The following SUMF1 variants were observed in gnomAD, a reference collection of about 807,000 sequenced individuals.
The protein encoded by SUMF1 is formylglycine-generating enzyme.
SUMF1 carries 48 observed loss-of-function variants against 47.6 expected under a neutral mutation model. The ratio of observed to expected loss-of-function variants is 1.01; its 90% CI spans 0.80 to 1.28. The LOEUF (loss-of-function observed/expected upper bound fraction) is 1.28. Ranked by LOEUF, SUMF1 falls within the 50% of genes most tolerant of loss-of-function variation. SUMF1 has a pLI of 0.00. For missense variants in SUMF1, 571 were observed against 485.4 expected (o/e 1.18, Z -1.66); for synonymous variants, 230 against 192.1 (o/e 1.20, Z -1.63).
At chr3:4,069,339 T>C (rs1188267264) in intron 8 of SUMF1, among the ~76,000 whole-genome samples, 1 of 152,222 alleles carries the variant, frequency 6.6e-6, no homozygotes, top group Non-Finnish European at 1.5e-5. Context: ...GTGTGACTTG[T>C]GCAATCACTT....
At chr3:4,394,565 C>T (rs1700980353) in intron 7 of SUMF1, among the ~76,000 whole-genome samples, 2 of 152,214 alleles carry the variant, frequency 1.3e-5, no homozygotes, top group Admixed American at 1.3e-4. Context: ...AATGTCCCAG[C>T]TTTGTAATGT....
chr3:4,225,069 A>G (rs1374170956), intron 8 of SUMF1, among the ~76,000 whole-genome samples: 1 of 152,068 alleles, frequency 6.6e-6, no homozygotes, highest in Non-Finnish European at 1.5e-5. Context: ...GCCATGTACC[A>G]AATTAATTAC....
At chr3:4,149,341 G>C (rs891205959) in intron 8 of SUMF1, among the ~76,000 whole-genome samples, 1 of 152,072 alleles carries the variant, frequency 6.6e-6, no homozygotes, top group Non-Finnish European at 1.5e-5. Context: ...TTTTTCAAAG[G>C]TAATTCTGAC....
intron 8 of SUMF1, among the ~76,000 whole-genome samples, chr3:4,374,980 T>A (rs779908893): frequency 6.6e-6 from 1 of 151,798 alleles, no homozygotes; most frequent in South Asian, 2.1e-4. Flanking sequence ...CTAGGCAACA[T>A]GGCAAGACCC....
At chr3:4,149,122 T>C (rs568805156) in intron 8 of SUMF1, among the ~76,000 whole-genome samples, 2 of 152,152 alleles carry the variant, frequency 1.3e-5, no homozygotes, top group Non-Finnish European at 1.5e-5. Context: ...TCTGGAACTT[T>C]CCTCACATGA....
intron 4 of SUMF1, among the ~76,000 whole-genome samples, chr3:4,419,379 G>C (rs1209973321): frequency 1.3e-5 from 2 of 152,146 alleles, no homozygotes; most frequent in African/African-American, 4.8e-5. Context: ...GCAATAACCA[G>C]GAATGTTGTT....
At chr3:4,277,405 G>C (rs1697441310) in intron 8 of SUMF1, among the ~76,000 whole-genome samples, 1 of 151,916 alleles carries the variant, frequency 6.6e-6, no homozygotes, top group African/African-American at 2.4e-5. Flanking sequence ...ACAACTATTT[G>C]GATCAAAGGA....
intron 8 of SUMF1, among the ~76,000 whole-genome samples, chr3:4,139,276 C>T (rs372518987): frequency 1.3e-5 from 2 of 151,732 alleles, no homozygotes; most frequent in Admixed American, 6.6e-5. Flanking sequence ...GTTTCAGTTT[C>T]GTATCAGTCA....
At chr3:4,349,745 A>G (rs887507635) in intron 8 of SUMF1, among the ~76,000 whole-genome samples, 1 of 152,206 alleles carries the variant, frequency 6.6e-6, no homozygotes, top group Non-Finnish European at 1.5e-5. Flanking sequence ...CAGAAAAACA[A>G]ACACCACATG....
chr3:4,224,096 T>A (rs1696124874), intron 8 of SUMF1, among the ~76,000 whole-genome samples: 1 of 151,884 alleles, frequency 6.6e-6, no homozygotes, highest in African/African-American at 2.4e-5. Flanking sequence ...AAAACCCAAT[T>A]GAGGGGAACA....
At chr3:4,394,369 G>C (rs575437676) in intron 7 of SUMF1, among the ~76,000 whole-genome samples, 3 of 152,156 alleles carry the variant, frequency 2.0e-5, no homozygotes, top group Admixed American at 6.5e-5. Context: ...TGTTGCCCAG[G>C]CTGGTCTCAA....
intron 8 of SUMF1, among the ~76,000 whole-genome samples, chr3:4,212,426 C>A (rs1426827614): frequency 1.3e-5 from 2 of 152,012 alleles, no homozygotes; most frequent in Non-Finnish European, 2.9e-5. Context: ...CATCAAAGAC[C>A]AAAGGTAGAT....
chr3:4,123,062 A>T (rs959676208), intron 8 of SUMF1, among the ~76,000 whole-genome samples: 1 of 152,226 alleles, frequency 6.6e-6, no homozygotes, highest in Non-Finnish European at 1.5e-5. Context: ...GCAACTTACG[A>T]AACATTGAGT....
chr3:4,197,223 T>C (rs533148476), intron 8 of SUMF1, among the ~76,000 whole-genome samples: 9 of 152,156 alleles, frequency 5.9e-5, no homozygotes, highest in Non-Finnish European at 1.2e-4. Context: ...CAAGTGATCC[T>C]CCCACCTCAG....
intron 6 of SUMF1, 98 bp from the exon 7 acceptor site, chr3:4,411,076 T>C: frequency 4.0e-6 from 4 of 999,476 alleles, no homozygotes; most frequent in South Asian, 3.9e-5. Flanking sequence ...TTTCAGAGTA[T>C]GAATGTTGGG....
Position 4,303,362 on chromosome 3 carries a change from G to A in SUMF1, c.1014+72968C>T, listed in dbSNP as rs28372894. 57 of 1,541,874 alleles carry A rather than the reference G, an allele frequency of 3.7e-5. No homozygotes were observed. In the East Asian group the frequency reaches 1.4e-3, roughly 38 times the overall value. ...TGTCAGGGTAGTGGGCGTTGCGTGA[G>A]GCGGGTAAATGTTCGCGGAAGCGGC... On this transcript the variant is annotated intron_variant and NMD_transcript_variant, in intron 8 of 12. Coordinates refer to the SUMF1 transcript ENST00000448413.
At chr3:4,336,966 C>A (rs1699165345) in intron 8 of SUMF1, among the ~76,000 whole-genome samples, 1 of 152,186 alleles carries the variant, frequency 6.6e-6, no homozygotes, top group Non-Finnish European at 1.5e-5. Flanking sequence ...GTAAGGGCAG[C>A]CAATTGCAAA....
intron 8 of SUMF1, among the ~76,000 whole-genome samples, chr3:4,275,738 CAA>C (rs1264988939): frequency 6.6e-5 from 10 of 152,176 alleles, no homozygotes; most frequent in African/African-American, 2.4e-4. Context: ...AAGACAAAAG[CAA>C]AAAGTTAGTT....
chr3:4,417,936 A>C, intron 5 of SUMF1, 74 bp downstream of exon 5: 1 of 1,609,828 alleles, frequency 6.2e-7, no homozygotes, highest in Non-Finnish European at 8.5e-7. Context: ...AGTAAGTTCC[A>C]TGGAGTTTTT....
Sources: gnomAD v4.1 joint callset for allele counts (sites outside exome capture counted in the v4.1 genomes callset) on GRCh38, gnomAD v4.1.1 for gene constraint, MANE v1.5 for transcripts, NCBI Gene and HGNC (gene_info 2026-07-23, HGNC 2026-07-21) for gene names.